The following DAGLA variants were observed in gnomAD, a reference collection of about 807,000 sequenced individuals.
DAGLA encodes the protein diacylglycerol lipase-alpha.
In DAGLA, 22 loss-of-function variants were observed where a neutral mutation model predicts 102.6. The observed-to-expected ratio is 0.21, with a 90% CI of 0.15 to 0.31. The LOEUF is 0.31. Among genes scored for constraint, DAGLA ranks in the 10% least tolerant of loss-of-function variants. The pLI is 1.00. For missense variants in DAGLA, 927 were observed against 1,446.6 expected (o/e 0.64, Z 5.83); for synonymous variants, 578 against 628.9 (o/e 0.92, Z 1.21).
At chr11:61,688,824 C>T (rs1057207011) in intron 1 of DAGLA, among the ~76,000 whole-genome samples, 4 of 152,216 alleles carry the variant, frequency 2.6e-5, no homozygotes, top group African/African-American at 7.2e-5. Flanking sequence ...GTGTCTGTTC[C>T]GGAAAGCGAC....
chr11:61,704,453 G>A (rs191008839), intron 1 of DAGLA, among the ~76,000 whole-genome samples: 5 of 152,296 alleles, frequency 3.3e-5, no homozygotes, highest in African/African-American at 7.2e-5. Context: ...CAGCTCTTAC[G>A]CAGAAAGGCA....
Position 61,720,260 on chromosome 11 carries a change from C to T in DAGLA, c.95+10C>T. On this transcript the variant is annotated intron_variant, in intron 2 of 19. Coordinates refer to ENST00000257215, the MANE Select transcript of DAGLA (RefSeq NM_006133.3). Reference sequence around the variant, plus strand: ...TCCTGCATACCACCTGGTGAGTCCCCAGGCCCGGGGCCACAGGCCTGGGTT... The same window carrying T: ...TCCTGCATACCACCTGGTGAGTCCCTAGGCCCGGGGCCACAGGCCTGGGTT... The T allele has an allele frequency of 6.2e-7, 1 of 1,612,580 alleles. No individual in the cohort carries two copies. The highest frequency in any genetic ancestry group is 8.5e-7 in the Non-Finnish European group (1 of 1,179,070).
chr11:61,717,476 C>T (rs1358814605), intron 1 of DAGLA, among the ~76,000 whole-genome samples: 6 of 152,208 alleles, frequency 3.9e-5, no homozygotes, highest in East Asian at 1.9e-4. Flanking sequence ...CCGCCTCGCC[C>T]GCCCCAGCTA....
chr11:61,730,002 G>C (rs1227862613), intron 8 of DAGLA, among the ~76,000 whole-genome samples: 1 of 151,576 alleles, frequency 6.6e-6, no homozygotes, highest in African/African-American at 2.4e-5. Flanking sequence ...GAGCCCAGGA[G>C]ATCAGGGCTG....
At chr11:61,712,755 C>T (rs1157540699) in intron 1 of DAGLA, among the ~76,000 whole-genome samples, 1 of 152,212 alleles carries the variant, frequency 6.6e-6, no homozygotes, top group Non-Finnish European at 1.5e-5. Context: ...AGGCCAGCCT[C>T]TCGGCCACTG....
intron 1 of DAGLA, among the ~76,000 whole-genome samples, chr11:61,681,289 C>T (rs2064940216): frequency 6.6e-6 from 1 of 152,030 alleles, no homozygotes; most frequent in African/African-American, 2.4e-5. Flanking sequence ...ACAAGAGATG[C>T]CAGGAGAAGC....
chr11:61,682,358 G>A (rs1353708208), intron 1 of DAGLA, among the ~76,000 whole-genome samples: 1 of 152,172 alleles, frequency 6.6e-6, no homozygotes. Flanking sequence ...GGATGTGATT[G>A]GGAGGAAGGG....
In DAGLA at chr11:61,686,362, C is replaced by T. The variant is rs1453266248; in HGVS notation, c.-45+5858C>T. Among the ~76,000 whole-genome samples, 2 of 152,120 alleles carry T rather than the reference C, an allele frequency of 1.3e-5. No homozygotes were observed. Among genetic ancestry groups the T allele is most frequent in the African/African-American group, 2.4e-5 (1 of 41,414 alleles). The stretch of plus-strand genomic sequence containing the variant: ...AACGGCAGGCTTTCAGGGCTGCCCT[C>T]GAGGCCGTTCCCATCCCTGAGGACC... On this transcript the variant is annotated intron_variant, in intron 1 of 19. Transcript: ENST00000257215. This position sits in a 1 kb window ranked among gnomAD's most constrained non-coding sequence, Gnocchi z 5.2.
intron 9 of DAGLA, 137 bp downstream of exon 9, chr11:61,731,578 T>A: frequency 8.3e-7 from 1 of 1,202,780 alleles, no homozygotes; most frequent in Non-Finnish European, 1.2e-6. Flanking sequence ...TCAACCTTTC[T>A]AGTTCTGTGT....
At chr11:61,738,113 C>A (rs1791788) in intron 15 of DAGLA, 22 bp from the exon 16 acceptor site, 3 of 1,606,006 alleles carry the variant, frequency 1.9e-6, no homozygotes, top group Non-Finnish European at 2.6e-6. Flanking sequence ...TGGCTGACGG[C>A]CCTGTCTCGT....
intron 1 of DAGLA, among the ~76,000 whole-genome samples, chr11:61,715,156 C>G: frequency 6.6e-6 from 1 of 152,192 alleles, no homozygotes; most frequent in African/African-American, 2.4e-5. Flanking sequence ...TTAACCACCC[C>G]TTGCACACAC....
At chr11:61,713,844 A>C (rs1264848571) in intron 1 of DAGLA, among the ~76,000 whole-genome samples, 1 of 152,226 alleles carries the variant, frequency 6.6e-6, no homozygotes, top group Non-Finnish European at 1.5e-5. Flanking sequence ...TCCAGTGCCC[A>C]ACAAGGCACA....
intron 2 of DAGLA, 53 bp from the exon 3 acceptor site, chr11:61,720,626 T>C: frequency 6.4e-7 from 1 of 1,562,444 alleles, no homozygotes; most frequent in South Asian, 1.1e-5. Flanking sequence ...GCTAGTAGCA[T>C]CTCGAGGTAC....
intron 1 of DAGLA, among the ~76,000 whole-genome samples, chr11:61,693,745 G>C (rs1262871464): frequency 6.6e-6 from 1 of 152,210 alleles, no homozygotes; most frequent in Admixed American, 6.5e-5. Context: ...CCTGCAGCCA[G>C]GGGCAGCCCA....
At chr11:61,695,630 T>C (rs768067360) in intron 1 of DAGLA, among the ~76,000 whole-genome samples, 13 of 152,360 alleles carry the variant, frequency 8.5e-5, no homozygotes, top group Non-Finnish European at 1.6e-4. Context: ...GGACAGAATG[T>C]CCTGCTGTAA....
chr11:61,685,038 G>T (rs376638544), intron 1 of DAGLA, among the ~76,000 whole-genome samples: 1 of 152,072 alleles, frequency 6.6e-6, no homozygotes, highest in African/African-American at 2.4e-5. Context: ...CGTCTCACAC[G>T]CCTGCTTCCA....
chr11:61,737,890 C>A, intron 15 of DAGLA, 135 bp downstream of exon 15: 1 of 827,732 alleles, frequency 1.2e-6, no homozygotes, highest in Non-Finnish European at 2.0e-6. Flanking sequence ...CCTCCCCACC[C>A]TTAGTTGCCC....
chr11:61,726,130 G>A (rs1186361094), intron 6 of DAGLA, 48 bp downstream of exon 6: 1 of 1,560,798 alleles, frequency 6.4e-7, no homozygotes, highest in African/African-American at 1.3e-5. Flanking sequence ...CTGTGGTCAG[G>A]TGATTAAGGG....
At chr11:61,730,079 C>T (rs2065361179) in intron 8 of DAGLA, among the ~76,000 whole-genome samples, 2 of 151,646 alleles carry the variant, frequency 1.3e-5, no homozygotes, top group Admixed American at 1.3e-4. Flanking sequence ...AAAAAAAAAC[C>T]AACACTCAGT....
Sources: allele counts gnomAD v4.1 joint callset (sites outside exome capture counted in the v4.1 genomes callset), GRCh38; gene constraint gnomAD v4.1.1; non-coding constraint Gnocchi (gnomAD v3.1); transcripts MANE v1.5; gene names NCBI Gene and HGNC (gene_info 2026-07-23, HGNC 2026-07-21).